The following BCLAF3 variants were observed in gnomAD, a reference collection of about 807,000 sequenced individuals.
The protein encoded by BCLAF3 is transient octamer binding factor 1.
BCLAF3 carries 24 observed loss-of-function variants against 51.2 expected under a neutral mutation model. The ratio of observed to expected loss-of-function variants is 0.47; its 90% CI spans 0.34 to 0.66. The LOEUF is 0.66. Among genes scored for constraint, BCLAF3 ranks in the 30% least tolerant of loss-of-function variants. The pLI, the probability that BCLAF3 is intolerant of heterozygous loss-of-function variation, is 0.01. For synonymous variants in BCLAF3, 152 were observed against 176.6 expected (o/e 0.86, Z 1.10); for missense variants, 465 against 525.1 (o/e 0.89, Z 1.12).
intron 8 of BCLAF3, among the ~76,000 whole-genome samples, chrX:19,941,523 T>G (rs1268024792): frequency 3.7e-5 from 4 of 107,118 alleles, no homozygotes; most frequent in Non-Finnish European, 5.7e-5. Context: ...ATTTATTAAA[T>G]AGGGAATCCT....
At chrX:19,971,730 G>A (rs2072264821) in intron 1 of BCLAF3, among the ~76,000 whole-genome samples, 1 of 111,590 alleles carries the variant, frequency 9.0e-6, no homozygotes, top group African/African-American at 3.3e-5. Flanking sequence ...CTTCTAGAAC[G>A]ACTGCCATGG....
intron 10 of BCLAF3, chrX:19,935,382 A>G (rs2070721879): frequency 8.5e-6 from 1 of 117,050 alleles, no homozygotes; most frequent in Non-Finnish European, 1.8e-5. Context: ...TCCTGTGATG[A>G]TCCAGAACGC....
At position 19,965,371 on chromosome X, in the gene BCLAF3, C is replaced by A. The variant is rs762216127; in HGVS notation, c.947G>T (p.Gly316Val). 1.3e-5 allele frequency: 16 copies of A among 1,210,733 alleles called. No homozygotes were observed. Among genetic ancestry groups the A allele is most frequent in the East Asian group, 1.2e-4 (4 of 33,863 alleles). ...EEDRKYSFQKGPLNRELDCFN... is the reference protein window; with the variant it reads ...EEDRKYSFQKVPLNRELDCFN... ...ACAATCTAACTCTCTATTTAGAGGG[C>A]CTTTTTGAAAACTATATTTTCTATC... Residue 316 changes from glycine to valine, a missense_variant, in exon 4 of 12, where the codon GGC becomes GTC. Physicochemically the swap from Gly to Val is moderately radical, Grantham distance 109. Transcript: ENST00000379682.
chrX:19,977,479 A>G (rs1278838128), intron 1 of BCLAF3, among the ~76,000 whole-genome samples: 2 of 112,449 alleles, frequency 1.8e-5, no homozygotes, highest in African/African-American at 6.5e-5. Context: ...CGTTCCCTTA[A>G]GCCAAAGCCC....
intron 2 of BCLAF3, among the ~76,000 whole-genome samples, chrX:19,969,488 C>T (rs375545032): frequency 1.0e-3 from 112 of 112,353 alleles, no homozygotes; most frequent in African/African-American, 3.2e-3. Flanking sequence ...CATCCTGAAA[C>T]GCCCAGATAA....
At chrX:19,949,156 A>G (rs1157535324) in intron 8 of BCLAF3, among the ~76,000 whole-genome samples, 1 of 111,632 alleles carries the variant, frequency 9.0e-6, no homozygotes, top group East Asian at 2.8e-4. Context: ...ACACTACCAC[A>G]CTGTCCTCAA....
intron 8 of BCLAF3, among the ~76,000 whole-genome samples, chrX:19,943,667 A>G (rs2071134021): frequency 1.1e-5 from 1 of 88,161 alleles, no homozygotes; most frequent in Non-Finnish European, 2.2e-5. Context: ...GTTCTTTTAC[A>G]TTTGCTGAGG....
intron 8 of BCLAF3, among the ~76,000 whole-genome samples, chrX:19,949,897 T>C (rs1355078707): frequency 8.9e-6 from 1 of 111,849 alleles, no homozygotes; most frequent in Non-Finnish European, 1.9e-5. Flanking sequence ...TGTTCAATTA[T>C]ACCTCATAAT....
In BCLAF3 at chrX:19,966,335, C is replaced by A. The variant is rs763597903; in HGVS notation, c.356G>T (p.Gly119Val). 3 of 1,209,643 alleles carry A rather than the reference C, an allele frequency of 2.5e-6. No individual in the cohort carries two copies. Among genetic ancestry groups the A allele is most frequent in the Non-Finnish European group, 3.4e-6 (3 of 895,138 alleles). The change falls in exon 3 of 12, where the codon GGT (glycine) becomes GTT (valine). Residue 119 changes from glycine (G) to valine (V), a missense_variant. Physicochemically the swap from Gly to Val is moderately radical, Grantham distance 109. Transcript: ENST00000379682. Reference sequence around the variant, plus strand: ...CCTTTCATGCTCTTTGTAGGGTATACCCTCTGAGTATTTGGGCATATACTG... The same window carrying A: ...CCTTTCATGCTCTTTGTAGGGTATAACCTCTGAGTATTTGGGCATATACTG... ...RAQYMPKYSEGIPYKEHERNS... is the reference protein window; with the variant it reads ...RAQYMPKYSEVIPYKEHERNS...
intron 11 of BCLAF3, among the ~76,000 whole-genome samples, chrX:19,922,617 G>A (rs2070206184): frequency 9.0e-6 from 1 of 111,431 alleles, no homozygotes; most frequent in Non-Finnish European, 1.9e-5. Context: ...CTATGGAGGG[G>A]CCAGGTGCAG....
intron 10 of BCLAF3, among the ~76,000 whole-genome samples, chrX:19,933,158 G>C (rs1457616705): frequency 8.9e-6 from 1 of 111,957 alleles, no homozygotes; most frequent in African/African-American, 3.2e-5. Flanking sequence ...GCTGTAGCAA[G>C]ACCCATAACA....
chrX:19,921,309 C>G (rs2070150478), intron 11 of BCLAF3, among the ~76,000 whole-genome samples: 2 of 111,812 alleles, frequency 1.8e-5, no homozygotes, highest in African/African-American at 6.5e-5. Context: ...AAAAACAGAT[C>G]AGGGATACAT....
chrX:19,945,808 C>T (rs58224732), intron 8 of BCLAF3, among the ~76,000 whole-genome samples: 1 of 102,712 alleles, frequency 9.7e-6, no homozygotes. Context: ...CCACCCAGTT[C>T]GAGCTTCCTG....
chrX:19,940,456 T>C (rs1350051324), intron 8 of BCLAF3, among the ~76,000 whole-genome samples: 2 of 110,360 alleles, frequency 1.8e-5, no homozygotes, highest in African/African-American at 6.6e-5. Context: ...GAGTGTGATA[T>C]TCCCCTTCAT....
At chrX:19,988,725 G>A (rs1195098620) in intron 1 of BCLAF3, among the ~76,000 whole-genome samples, 1 of 112,101 alleles carries the variant, frequency 8.9e-6, no homozygotes, top group Non-Finnish European at 1.9e-5. Context: ...GAAAAGTAAG[G>A]CAACTGTATT....
intron 7 of BCLAF3, among the ~76,000 whole-genome samples, chrX:19,951,408 C>T (rs2071468744): frequency 9.4e-6 from 1 of 106,262 alleles, no homozygotes; most frequent in East Asian, 2.9e-4. Context: ...CCAGCCTGGC[C>T]AACATAGTAA....
Position 19,966,664 on chromosome X carries a change from A to G in BCLAF3, c.42-15T>C. 4 of 1,186,067 alleles carry G rather than the reference A, an allele frequency of 3.4e-6. No homozygotes were observed. Among genetic ancestry groups the G allele is most frequent in the Non-Finnish European group, 4.6e-6 (4 of 878,368 alleles). On this transcript the variant is annotated splice_polypyrimidine_tract_variant and intron_variant, in intron 2 of 11. Transcript: ENST00000379682. ...GTGATAAAGACCTATGTAAACAAACACAGAAAAGTGTAAACCATTTAATCA... is the reference window on the plus strand; with the variant it reads ...GTGATAAAGACCTATGTAAACAAACGCAGAAAAGTGTAAACCATTTAATCA...
At chrX:19,985,023 A>G (rs758941518) in intron 1 of BCLAF3, 1 of 112,235 alleles carries the variant, frequency 8.9e-6, no homozygotes, top group East Asian at 2.8e-4. Context: ...AAAACATTAC[A>G]TATCAGATTC....
chrX:19,922,907 A>T (rs2070220104), intron 11 of BCLAF3, among the ~76,000 whole-genome samples: 2 of 110,775 alleles, frequency 1.8e-5, no homozygotes, highest in African/African-American at 6.6e-5. Flanking sequence ...AAAAAAAAAA[A>T]TTATATGGAG....
Sources: gnomAD v4.1 joint callset for allele counts (sites outside exome capture counted in the v4.1 genomes callset) on GRCh38, gnomAD v4.1.1 for gene constraint, MANE v1.5 for transcripts, NCBI Gene and HGNC (gene_info 2026-07-23, HGNC 2026-07-21) for gene names.